The following LRRC4C variants were observed in gnomAD, a reference collection of about 807,000 sequenced individuals.
LRRC4C encodes leucine-rich repeat-containing protein 4C.
A neutral mutation model predicts 33.6 loss-of-function variants in LRRC4C; 5 were observed. The observed-to-expected ratio is 0.15, with a 90% CI of 0.08 to 0.31. The LOEUF (loss-of-function observed/expected upper bound fraction) is 0.31. LRRC4C is among the 10% of genes least tolerant of loss of function. LRRC4C has a pLI of 1.00. For synonymous variants in LRRC4C, 329 were observed against 302.0 expected, an observed-to-expected ratio of 1.09 and a Z score of -0.93; for missense variants, 560 against 796.7, an observed-to-expected ratio of 0.70 and a Z score of 3.58.
At position 41,338,668 on chromosome 11, in the gene LRRC4C, A is replaced by C. The variant is rs536387531; in HGVS notation, c.-496+120763T>G. 3.3e-5 allele frequency among the ~76,000 whole-genome samples: 5 copies of C among 152,306 alleles called. No individual in the cohort carries two copies. In the East Asian group the frequency reaches 9.6e-4, roughly 29 times the overall value. ...ATGTATGCCTATGTAACACGCCTGC[A>C]TGTTCTGTACACGTATCTCTGACCT... On this transcript the variant is annotated intron_variant, in intron 1 of 6. Transcript: ENST00000528697.
chr11:40,936,066 A>ATC (rs57615456), intron 1 of LRRC4C, among the ~76,000 whole-genome samples: 7 of 80,792 alleles, frequency 8.7e-5, no homozygotes, highest in African/African-American at 2.6e-4. Flanking sequence ...ATATATATAT[A>ATC]ACATAGTTTG....
intron 1 of LRRC4C, among the ~76,000 whole-genome samples, chr11:41,399,377 G>A (rs1310845573): frequency 6.6e-6 from 1 of 151,950 alleles, no homozygotes. Flanking sequence ...AGGTTTGCAA[G>A]GCCAAGTGTC....
chr11:40,798,299 A>G (rs780913706), intron 2 of LRRC4C, among the ~76,000 whole-genome samples: 1 of 152,146 alleles, frequency 6.6e-6, no homozygotes, highest in Non-Finnish European at 1.5e-5. Context: ...TCAGCCTTTG[A>G]CCAGTTTTCC....
intron 2 of LRRC4C, among the ~76,000 whole-genome samples, chr11:40,807,044 C>T (rs1197620137): frequency 6.6e-6 from 1 of 151,990 alleles, no homozygotes; most frequent in Non-Finnish European, 1.5e-5. Flanking sequence ...CAAGTGCATG[C>T]TTTCTTTTGA....
At chr11:41,342,462 CAT>C (rs1951671527) in intron 1 of LRRC4C, among the ~76,000 whole-genome samples, 2 of 152,186 alleles carry the variant, frequency 1.3e-5, no homozygotes, top group Admixed American at 1.3e-4. Context: ...CACCCATAAT[CAT>C]AGCATTTTGG....
At chr11:40,418,325 A>G (rs1340475785) in intron 3 of LRRC4C, among the ~76,000 whole-genome samples, 1 of 152,226 alleles carries the variant, frequency 6.6e-6, no homozygotes, top group African/African-American at 2.4e-5. Context: ...TTCTCAAAAG[A>G]AGACATTTAT....
At chr11:40,575,456 C>T (rs901039540) in intron 3 of LRRC4C, among the ~76,000 whole-genome samples, 1 of 151,606 alleles carries the variant, frequency 6.6e-6, no homozygotes, top group Non-Finnish European at 1.5e-5. Flanking sequence ...AGTGCTAAAA[C>T]CAGTAAAATC....
intron 5 of LRRC4C, among the ~76,000 whole-genome samples, chr11:40,183,591 C>T (rs4319506): frequency 0.67 from 101,805 of 152,036 alleles, 34,312 homozygotes; most frequent in East Asian, 0.9. Context: ...TGGAAAGTGG[C>T]TTCTATAACA....
At chr11:40,789,726 C>G (rs943559020) in intron 2 of LRRC4C, among the ~76,000 whole-genome samples, 1 of 152,136 alleles carries the variant, frequency 6.6e-6, no homozygotes, top group Non-Finnish European at 1.5e-5. Context: ...AGTTTGCTTA[C>G]AAGTCTTTTC....
At chr11:40,630,552 T>A (rs78871405) in intron 3 of LRRC4C, among the ~76,000 whole-genome samples, 3,179 of 152,216 alleles carry the variant, frequency 0.021, 107 homozygotes, top group African/African-American at 0.073. Flanking sequence ...TCTCTCATTA[T>A]CACTATTTGG....
At chr11:40,165,892 C>T (rs1329165147) in intron 5 of LRRC4C, among the ~76,000 whole-genome samples, 1 of 152,080 alleles carries the variant, frequency 6.6e-6, no homozygotes, top group Non-Finnish European at 1.5e-5. Context: ...TTGCAGTGAG[C>T]CAAGATGGTG....
chr11:40,409,603 C>T lies in LRRC4C; in HGVS notation c.-269-89882G>A, dbSNP rs72895068. Reference sequence around the variant, plus strand: ...ACAAAGGACCTGAATAGATGTTTCTCACAAACGACCAATAGGTATGTATAA... The same window carrying T: ...ACAAAGGACCTGAATAGATGTTTCTTACAAACGACCAATAGGTATGTATAA... On this transcript the variant is annotated intron_variant, in intron 3 of 6. Coordinates refer to ENST00000528697, the MANE Select transcript of LRRC4C (RefSeq NM_001258419.2). 4.2e-3 allele frequency among the ~76,000 whole-genome samples: 642 copies of T among 152,100 alleles called. 4 individuals are homozygous for T. The highest frequency in any genetic ancestry group is 7.2e-3 in the Non-Finnish European group (487 of 67,926).
At chr11:40,982,662 T>G (rs1424055204) in intron 1 of LRRC4C, among the ~76,000 whole-genome samples, 1 of 152,188 alleles carries the variant, frequency 6.6e-6, no homozygotes, top group Admixed American at 6.5e-5. Context: ...TTTCTTTTTT[T>G]TTTAAACCTT....
At chr11:40,415,140 G>A (rs180831329) in intron 3 of LRRC4C, among the ~76,000 whole-genome samples, 4 of 152,098 alleles carry the variant, frequency 2.6e-5, no homozygotes, top group Non-Finnish European at 5.9e-5. Flanking sequence ...GCCGTTTGTG[G>A]CTTAATTATG....
chr11:40,851,409 G>A (rs1953488158), intron 2 of LRRC4C, among the ~76,000 whole-genome samples: 1 of 152,050 alleles, frequency 6.6e-6, no homozygotes, highest in South Asian at 2.1e-4. Context: ...GACCCCTTGT[G>A]CTTCCCGGGT....
At chr11:40,624,815 A>G (rs1372148420) in intron 3 of LRRC4C, among the ~76,000 whole-genome samples, 5 of 152,152 alleles carry the variant, frequency 3.3e-5, no homozygotes, top group Admixed American at 2.0e-4. Context: ...TCAGTAAACC[A>G]TAAGTCTGGA....
intron 4 of LRRC4C, among the ~76,000 whole-genome samples, chr11:40,311,742 C>A (rs1029716913): frequency 6.6e-6 from 1 of 151,954 alleles, no homozygotes; most frequent in African/African-American, 2.4e-5. Flanking sequence ...GTCAAGAGAT[C>A]GAGACCATCC....
chr11:40,824,185 T>C (rs1253768699), intron 2 of LRRC4C, among the ~76,000 whole-genome samples: 1 of 151,586 alleles, frequency 6.6e-6, no homozygotes, highest in Non-Finnish European at 1.5e-5. Context: ...AATTTGGGGG[T>C]TGATTGAAAT....
At chr11:40,877,692 T>A (rs1209100135) in intron 2 of LRRC4C, among the ~76,000 whole-genome samples, 1 of 152,192 alleles carries the variant, frequency 6.6e-6, no homozygotes, top group African/African-American at 2.4e-5. Flanking sequence ...CTAAGAATGA[T>A]GTTCTCAGTG....
Sources: allele counts gnomAD v4.1 joint callset (sites outside exome capture counted in the v4.1 genomes callset), GRCh38; gene constraint gnomAD v4.1.1; transcripts MANE v1.5; gene names NCBI Gene and HGNC (gene_info 2026-07-23, HGNC 2026-07-21).